Variants in RFX3 observed in about 807,000 individuals in gnomAD.
The protein encoded by RFX3 is regulatory factor X3.
In RFX3, 14 loss-of-function variants were observed where a neutral mutation model predicts 98.6. The observed-to-expected ratio is 0.14, with a 90% CI of 0.09 to 0.22. The LOEUF is 0.22. RFX3 is among the 10% of genes least tolerant of loss of function. RFX3 has a pLI of 1.00. For missense variants in RFX3, 639 were observed against 926.9 expected, an observed-to-expected ratio of 0.69 and a Z score of 4.03; for synonymous variants, 383 against 328.4, an observed-to-expected ratio of 1.17 and a Z score of -1.80.
At chr9:3,232,488 C>T (rs895176227) in intron 15 of RFX3, among the ~76,000 whole-genome samples, 1 of 152,176 alleles carries the variant, frequency 6.6e-6, no homozygotes. Flanking sequence ...TCTTCCCAAC[C>T]AAAATGTTAC....
chr9:3,443,904 T>C (rs1054506195), intron 1 of RFX3, among the ~76,000 whole-genome samples: 2 of 152,202 alleles, frequency 1.3e-5, no homozygotes, highest in African/African-American at 4.8e-5. Flanking sequence ...GCTAAAATTT[T>C]AAAAACTGAC....
intron 1 of RFX3, among the ~76,000 whole-genome samples, chr9:3,441,413 AAC>A (rs1845600534): frequency 6.6e-6 from 1 of 152,144 alleles, no homozygotes; most frequent in African/African-American, 2.4e-5. Context: ...CTGTGGCAAC[AAC>A]CAGCATATCC....
intron 1 of RFX3, among the ~76,000 whole-genome samples, chr9:3,491,665 C>T (rs1211572310): frequency 1.3e-5 from 2 of 152,128 alleles, no homozygotes; most frequent in Non-Finnish European, 2.9e-5. Flanking sequence ...ATATCTTTCA[C>T]TGTTTCATAT....
intron 1 of RFX3, among the ~76,000 whole-genome samples, chr9:3,418,943 AGAT>A (rs1225641359): frequency 6.6e-6 from 1 of 152,216 alleles, no homozygotes; most frequent in Non-Finnish European, 1.5e-5. Flanking sequence ...ATATCACATG[AGAT>A]GATAGAAAAG....
chr9:3,275,122 A>C (rs1388786585), intron 9 of RFX3, among the ~76,000 whole-genome samples: 1 of 151,624 alleles, frequency 6.6e-6, no homozygotes, highest in East Asian at 1.9e-4. Flanking sequence ...GCAGCTCCCT[A>C]CTAGATAAAG....
intron 2 of RFX3, among the ~76,000 whole-genome samples, chr9:3,378,894 T>C (rs771903018): frequency 6.6e-6 from 1 of 152,154 alleles, no homozygotes; most frequent in Non-Finnish European, 1.5e-5. Context: ...TGCACTAACC[T>C]AGAATAGAGA....
intron 1 of RFX3, among the ~76,000 whole-genome samples, chr9:3,514,822 T>C (rs1284913547): frequency 6.6e-6 from 1 of 152,226 alleles, no homozygotes; most frequent in Non-Finnish European, 1.5e-5. Context: ...GTTTCCGTGT[T>C]ATGTACTGAT....
intron 7 of RFX3, among the ~76,000 whole-genome samples, chr9:3,284,807 G>T (rs1007149322): frequency 2.0e-5 from 3 of 151,688 alleles, no homozygotes; most frequent in African/African-American, 7.3e-5. Context: ...GCTTGAGAAT[G>T]GCTTTATCTT....
At chr9:3,461,018 T>C (rs570539079) in intron 1 of RFX3, among the ~76,000 whole-genome samples, 2 of 151,702 alleles carry the variant, frequency 1.3e-5, no homozygotes, top group South Asian at 2.1e-4. Context: ...CTGGTAGTTT[T>C]GGTACATTTT....
chr9:3,487,056 G>A (rs999874982), intron 1 of RFX3, among the ~76,000 whole-genome samples: 3 of 151,932 alleles, frequency 2.0e-5, no homozygotes, highest in Admixed American at 2.0e-4. Flanking sequence ...GCCTCTCCCT[G>A]TGTTGCCCAG....
At chr9:3,291,281 A>T (rs988502119) in intron 6 of RFX3, among the ~76,000 whole-genome samples, 1 of 152,128 alleles carries the variant, frequency 6.6e-6, no homozygotes, top group African/African-American at 2.4e-5. Flanking sequence ...TGAGGCAGGA[A>T]GAATCACTTG....
At chr9:3,377,572 G>A (rs1346000809) in intron 2 of RFX3, among the ~76,000 whole-genome samples, 1 of 152,036 alleles carries the variant, frequency 6.6e-6, no homozygotes, top group Non-Finnish European at 1.5e-5. Flanking sequence ...ATGTACCCTA[G>A]AACTTAAAGT....
chr9:3,500,223 G>C (rs928975325), intron 1 of RFX3, among the ~76,000 whole-genome samples: 1 of 152,096 alleles, frequency 6.6e-6, no homozygotes, highest in South Asian at 2.1e-4. Flanking sequence ...AGAAGAGAAT[G>C]GGTTCACTAA....
chr9:3,288,469 G>A (rs1004832778), intron 6 of RFX3, among the ~76,000 whole-genome samples: 1 of 151,940 alleles, frequency 6.6e-6, no homozygotes, highest in Non-Finnish European at 1.5e-5. Flanking sequence ...TAAAGGCCCT[G>A]CTAAAAATAT....
rs866152624 is a variant in RFX3 at position 3,292,089 on chromosome 9, A to C, written c.731+988T>G. On this transcript the variant is annotated intron_variant, in intron 6 of 16. Transcript: ENST00000617270. ...AAAAAAAAAAAAAAAAAAAAAAAAAAAAAAAAAAAAACTCTTTACGAAAAT... is the reference window on the plus strand; with the variant it reads ...AAAAAAAAAAAAAAAAAAAAAAAAACAAAAAAAAAAACTCTTTACGAAAAT... Among the ~76,000 whole-genome samples, 40 of 148,156 alleles carry C rather than the reference A, an allele frequency of 2.7e-4. 1 individual carries two copies. The highest frequency in any genetic ancestry group is 8.7e-4 in the African/African-American group (35 of 40,322).
At chr9:3,401,784 C>T (rs769918980) in intron 1 of RFX3, among the ~76,000 whole-genome samples, 7 of 152,242 alleles carry the variant, frequency 4.6e-5, no homozygotes, top group South Asian at 2.1e-4. Context: ...CGCCTGTTAA[C>T]GGTTCTTCTT....
intron 1 of RFX3, among the ~76,000 whole-genome samples, chr9:3,421,339 T>C (rs2132348414): frequency 6.6e-6 from 1 of 152,294 alleles, no homozygotes. Context: ...ATGCAACTGT[T>C]AGGCAGCATT....
chr9:3,231,929 T>C (rs1327208173), intron 15 of RFX3, among the ~76,000 whole-genome samples: 1 of 151,680 alleles, frequency 6.6e-6, no homozygotes, highest in Admixed American at 6.6e-5. Flanking sequence ...CTGGGCATGG[T>C]GGCGGAGGCA....
intron 2 of RFX3, among the ~76,000 whole-genome samples, chr9:3,366,727 T>C (rs550627573): frequency 1.9e-4 from 28 of 147,298 alleles, no homozygotes; most frequent in African/African-American, 7.2e-4. Flanking sequence ...TCTTTCTTTC[T>C]TTCTTTCTTT....
Sources: allele counts gnomAD v4.1 joint callset (sites outside exome capture counted in the v4.1 genomes callset), GRCh38; gene constraint gnomAD v4.1.1; transcripts MANE v1.5; gene names NCBI Gene and HGNC (gene_info 2026-07-23, HGNC 2026-07-21).